Variants in TAFA1 observed in about 807,000 individuals in gnomAD.
The protein encoded by TAFA1 is chemokine-like protein TAFA-1.
TAFA1 carries 4 observed loss-of-function variants against 18.5 expected under a neutral mutation model. That is an observed-to-expected ratio of 0.22 (90% CI 0.11 to 0.49). TAFA1 has a LOEUF of 0.49. Ranked by LOEUF, TAFA1 falls within the 20% of genes least tolerant of loss-of-function variation. The probability of loss-of-function intolerance (pLI) is 0.98; values close to 1 mark genes in which losing one functional copy is unlikely to be tolerated. For synonymous variants in TAFA1, 56 were observed against 55.2 expected (o/e 1.01, Z -0.06); for missense variants, 147 against 169.0 (o/e 0.87, Z 0.72).
rs149474877 is a variant in TAFA1 at position 68,375,505 on chromosome 3, G to A, written c.119-41775G>A. Among the ~76,000 whole-genome samples, 680 of 152,238 alleles carry A rather than the reference G, an allele frequency of 4.5e-3. 9 individuals are homozygous for A. Among genetic ancestry groups the A allele is most frequent in the African/African-American group, 0.015 (635 of 41,546 alleles). On this transcript the variant is annotated intron_variant, in intron 2 of 4. Transcript: ENST00000478136. ...TGTTGTCCCTGACCTTAAGGAAGTC[G>A]TGATCTATACATTTTGTATATAAAT...
chr3:68,045,015 G>C (rs1333645233), intron 2 of TAFA1, among the ~76,000 whole-genome samples: 1 of 152,184 alleles, frequency 6.6e-6, no homozygotes, highest in Non-Finnish European at 1.5e-5. Flanking sequence ...GCCTCTGTGG[G>C]TTGACTGGGG....
At chr3:68,216,787 A>G (rs904537154) in intron 2 of TAFA1, among the ~76,000 whole-genome samples, 1 of 152,132 alleles carries the variant, frequency 6.6e-6, no homozygotes, top group African/African-American at 2.4e-5. Context: ...AGTCAAAGGG[A>G]CACGGGAACC....
chr3:68,516,226 C>G (rs1559701530), intron 3 of TAFA1, among the ~76,000 whole-genome samples: 1 of 152,116 alleles, frequency 6.6e-6, no homozygotes, highest in Non-Finnish European at 1.5e-5. Flanking sequence ...TTAGCTTTTT[C>G]TCTTTTATTG....
chr3:67,999,419 G>A (rs1279870453), upstream of TAFA1, among the ~76,000 whole-genome samples: 1 of 152,068 alleles, frequency 6.6e-6, no homozygotes, highest in Non-Finnish European at 1.5e-5. Context: ...CCTTGAGTAA[G>A]CCTCTTCCCC....
At chr3:68,371,551 T>G (rs989003876) in intron 2 of TAFA1, among the ~76,000 whole-genome samples, 1 of 152,198 alleles carries the variant, frequency 6.6e-6, no homozygotes, top group Non-Finnish European at 1.5e-5. Flanking sequence ...GCAAAGGACA[T>G]GAATTCATTC....
chr3:68,381,296 A>G lies in TAFA1; in HGVS notation c.119-35984A>G, dbSNP rs1160671057. ...ATGAACTTTAAAGTAGTTTTTTCCA[A>G]TTCTGTGAAGAAAGTCATTGGTAGC... On this transcript the variant is annotated intron_variant, in intron 2 of 4. Coordinates refer to ENST00000478136, the MANE Select transcript of TAFA1 (RefSeq NM_213609.4). Among the ~76,000 whole-genome samples, 5 of 151,282 alleles carry G rather than the reference A, an allele frequency of 3.3e-5. No homozygotes were observed. In the South Asian group the frequency reaches 8.4e-4, roughly 25 times the overall value.
At chr3:68,109,182 A>G (rs945739524) in intron 2 of TAFA1, among the ~76,000 whole-genome samples, 2 of 152,158 alleles carry the variant, frequency 1.3e-5, no homozygotes, top group Admixed American at 1.3e-4. Flanking sequence ...TGAGTTGAAA[A>G]GAAAAAAAAG....
intron 2 of TAFA1, among the ~76,000 whole-genome samples, chr3:68,263,462 C>CACACACACACACAT (rs2067478227): frequency 6.6e-6 from 1 of 151,362 alleles, no homozygotes; most frequent in African/African-American, 2.4e-5. Context: ...CACACACACA[C>CACACACACACACAT]ACACACACAC....
At chr3:68,018,524 C>G (rs1704613796) in intron 2 of TAFA1, among the ~76,000 whole-genome samples, 1 of 152,154 alleles carries the variant, frequency 6.6e-6, no homozygotes, top group African/African-American at 2.4e-5. Context: ...CGGAGGACTA[C>G]AGTTACCCAG....
intron 2 of TAFA1, among the ~76,000 whole-genome samples, chr3:68,150,718 A>G (rs1003195891): frequency 1.3e-5 from 2 of 152,090 alleles, no homozygotes; most frequent in Non-Finnish European, 2.9e-5. Context: ...TTGATGAGTT[A>G]GGTTATTTTT....
chr3:68,008,289 T>G (rs2106771532), intron 2 of TAFA1, among the ~76,000 whole-genome samples: 1 of 152,370 alleles, frequency 6.6e-6, no homozygotes, highest in South Asian at 2.1e-4. Flanking sequence ...ATTCCCACTT[T>G]ACCTCCAATC....
intron 2 of TAFA1, among the ~76,000 whole-genome samples, chr3:68,120,209 C>A (rs1559527577): frequency 1.7e-5 from 2 of 115,888 alleles, no homozygotes; most frequent in East Asian, 2.4e-4. Flanking sequence ...TTCTTTCTTT[C>A]TTTCTTTCTT....
At chr3:68,215,463 T>A (rs1187354541) in intron 2 of TAFA1, among the ~76,000 whole-genome samples, 1 of 152,052 alleles carries the variant, frequency 6.6e-6, no homozygotes, top group African/African-American at 2.4e-5. Context: ...AGTCTTTAGA[T>A]ACAACACCTA....
At chr3:68,539,104 T>G (rs2073322920) in intron 4 of TAFA1, among the ~76,000 whole-genome samples, 2 of 152,172 alleles carry the variant, frequency 1.3e-5, no homozygotes, top group Non-Finnish European at 2.9e-5. Flanking sequence ...CACAGACTCA[T>G]AAATTAAGTT....
At chr3:68,359,039 T>G (rs1175678289) in intron 2 of TAFA1, among the ~76,000 whole-genome samples, 6 of 152,040 alleles carry the variant, frequency 3.9e-5, no homozygotes, top group African/African-American at 1.4e-4. Flanking sequence ...TTTCCTTGCA[T>G]GAATTTGTTT....
intron 2 of TAFA1, among the ~76,000 whole-genome samples, chr3:68,359,668 G>A (rs766464438): frequency 4.6e-5 from 7 of 151,898 alleles, no homozygotes; most frequent in South Asian, 2.1e-4. Context: ...CAGTGGGACC[G>A]ATGTTAAACT....
At chr3:68,008,816 C>T (rs745626680) in intron 2 of TAFA1, among the ~76,000 whole-genome samples, 5 of 152,084 alleles carry the variant, frequency 3.3e-5, no homozygotes, top group Admixed American at 6.5e-5. Context: ...GGGGGAAAGG[C>T]AGGGCTCGGG....
intron 2 of TAFA1, among the ~76,000 whole-genome samples, chr3:68,128,732 G>A (rs935589903): frequency 6.6e-6 from 1 of 152,140 alleles, no homozygotes; most frequent in African/African-American, 2.4e-5. Flanking sequence ...TTAGCCATCA[G>A]CAACTAAGTC....
At chr3:68,216,300 T>G (rs1036747740) in intron 2 of TAFA1, among the ~76,000 whole-genome samples, 5 of 152,068 alleles carry the variant, frequency 3.3e-5, no homozygotes, top group Non-Finnish European at 7.4e-5. Context: ...TGGACCTTAA[T>G]GTTTGCAGAT....
Sources: gnomAD v4.1 joint callset for allele counts (sites outside exome capture counted in the v4.1 genomes callset) on GRCh38, gnomAD v4.1.1 for gene constraint, MANE v1.5 for transcripts, NCBI Gene and HGNC (gene_info 2026-07-23, HGNC 2026-07-21) for gene names.